The following MTHFD1L variants were observed in gnomAD, a reference collection of about 807,000 sequenced individuals.
MTHFD1L encodes the protein methylenetetrahydrofolate dehydrogenase (NADP+ dependent) 1 like.
A neutral mutation model predicts 119.5 loss-of-function variants in MTHFD1L; 81 were observed. The observed-to-expected ratio is 0.68, with a 90% CI of 0.57 to 0.82. MTHFD1L has a LOEUF of 0.82. Ranked by LOEUF, MTHFD1L falls within the 40% of genes least tolerant of loss-of-function variation. The pLI is 0.00. For missense variants in MTHFD1L, 1,125 were observed against 1,253.4 expected (o/e 0.90, Z 1.55); for synonymous variants, 430 against 475.2 (o/e 0.90, Z 1.24).
intron 26 of MTHFD1L, among the ~76,000 whole-genome samples, chr6:151,047,794 T>A (rs991683224): frequency 3.3e-5 from 5 of 152,166 alleles, no homozygotes; most frequent in Non-Finnish European, 7.4e-5. Context: ...TGGGATCCCA[T>A]GCTGTATTGG....
chr6:151,076,341 A>T (rs1329627349), intron 26 of MTHFD1L, among the ~76,000 whole-genome samples: 1 of 152,080 alleles, frequency 6.6e-6, no homozygotes, highest in African/African-American at 2.4e-5. Context: ...ACAGAGCAAG[A>T]CCCTGTCCCA....
At chr6:151,094,520 G>A (rs188898376) in intron 27 of MTHFD1L, among the ~76,000 whole-genome samples, 8 of 152,164 alleles carry the variant, frequency 5.3e-5, no homozygotes, top group Admixed American at 2.0e-4. Context: ...GTGCCACCAC[G>A]CCCCGCTGAT....
intron 26 of MTHFD1L, among the ~76,000 whole-genome samples, chr6:151,081,971 A>G (rs1793233054): frequency 6.6e-6 from 1 of 152,158 alleles, no homozygotes; most frequent in Non-Finnish European, 1.5e-5. Flanking sequence ...GGACTACCGA[A>G]TGATGATTTC....
chr6:150,902,231 T>G (rs1283765868), intron 7 of MTHFD1L, among the ~76,000 whole-genome samples: 1 of 152,208 alleles, frequency 6.6e-6, no homozygotes, highest in Non-Finnish European at 1.5e-5. Flanking sequence ...TCCCTCCAGC[T>G]TAAAAATTCA....
chr6:150,905,980 C>T (rs1785837331), intron 8 of MTHFD1L, among the ~76,000 whole-genome samples: 1 of 152,154 alleles, frequency 6.6e-6, no homozygotes, highest in Non-Finnish European at 1.5e-5. Flanking sequence ...CAGTGAAGTG[C>T]CCCCTACTGG....
intron 13 of MTHFD1L, among the ~76,000 whole-genome samples, chr6:150,941,129 A>T (rs1793029732): frequency 6.6e-6 from 1 of 152,238 alleles, no homozygotes; most frequent in African/African-American, 2.4e-5. Context: ...AAGTGAAAAC[A>T]CTATGACTGG....
intron 26 of MTHFD1L, among the ~76,000 whole-genome samples, chr6:151,072,216 T>TACTCGGGAGGCTGAGG (rs1792028101): frequency 6.6e-6 from 1 of 152,198 alleles, no homozygotes; most frequent in Admixed American, 6.5e-5. Context: ...ATTTTACACA[T>TACTCGGGAGGCTGAGG]TAGTAAATGA....
At chr6:150,923,131 C>G (rs1319100612) in intron 10 of MTHFD1L, among the ~76,000 whole-genome samples, 1 of 152,112 alleles carries the variant, frequency 6.6e-6, no homozygotes, top group Non-Finnish European at 1.5e-5. Context: ...AAACATTATT[C>G]CACGTGGGAA....
intron 20 of MTHFD1L, among the ~76,000 whole-genome samples, chr6:151,004,543 T>A (rs1221402895): frequency 6.6e-6 from 1 of 152,186 alleles, no homozygotes; most frequent in African/African-American, 2.4e-5. Flanking sequence ...ACAACACAAC[T>A]CTGGCCGCAC....
intron 20 of MTHFD1L, among the ~76,000 whole-genome samples, chr6:150,986,229 A>C (rs1778286016): frequency 1.3e-5 from 2 of 152,240 alleles, no homozygotes; most frequent in Admixed American, 1.3e-4. Flanking sequence ...TCAGTAATGC[A>C]GAACTTGGGC....
chr6:151,052,984 C>T (rs1789299353), intron 26 of MTHFD1L, among the ~76,000 whole-genome samples: 1 of 152,160 alleles, frequency 6.6e-6, no homozygotes, highest in Non-Finnish European at 1.5e-5. Flanking sequence ...TGGGTCTATA[C>T]CCATCTAGTC....
At chr6:151,021,607 C>T (rs1334345235) in intron 24 of MTHFD1L, among the ~76,000 whole-genome samples, 2 of 152,132 alleles carry the variant, frequency 1.3e-5, no homozygotes, top group Non-Finnish European at 1.5e-5. Flanking sequence ...CTGTCATGTT[C>T]ACTTGGAAAG....
intron 26 of MTHFD1L, among the ~76,000 whole-genome samples, chr6:151,060,493 G>A (rs4869976): frequency 0.032 from 4,904 of 152,296 alleles, 157 homozygotes; most frequent in Admixed American, 0.099. Flanking sequence ...AAGAGCTGAC[G>A]TCTGGGACAG....
chr6:150,949,293 C>T (rs912999052), intron 16 of MTHFD1L, among the ~76,000 whole-genome samples, 160 bp downstream of exon 16: 4 of 151,998 alleles, frequency 2.6e-5, no homozygotes, highest in Non-Finnish European at 5.9e-5. Flanking sequence ...ATTATCGTAC[C>T]ACCCTCCCTT....
chr6:150,939,505 G>A (rs530164673), intron 13 of MTHFD1L, among the ~76,000 whole-genome samples: 1 of 151,966 alleles, frequency 6.6e-6, no homozygotes, highest in South Asian at 2.1e-4. Flanking sequence ...ATCATTCAGG[G>A]CCTGGACAAT....
chr6:150,903,850 A>G (rs1402711954), intron 7 of MTHFD1L, among the ~76,000 whole-genome samples: 2 of 152,276 alleles, frequency 1.3e-5, no homozygotes, highest in African/African-American at 4.8e-5. Flanking sequence ...TGGATAATCA[A>G]TCAGTGTTAA....
intron 1 of MTHFD1L, among the ~76,000 whole-genome samples, chr6:150,873,099 G>A (rs1322912830): frequency 2.0e-5 from 3 of 152,044 alleles, no homozygotes; most frequent in Admixed American, 6.6e-5. Context: ...GGCGGATCAC[G>A]AGGTCAAGAG....
intron 26 of MTHFD1L, among the ~76,000 whole-genome samples, chr6:151,054,117 T>G (rs1789514021): frequency 6.6e-6 from 1 of 152,178 alleles, no homozygotes; most frequent in South Asian, 2.1e-4. Flanking sequence ...AACAGCCAGG[T>G]TCCAAGGGGA....
chr6:150,905,630 T>C lies in MTHFD1L; in HGVS notation c.781-20T>C. On this transcript the variant is annotated intron_variant, in intron 7 of 27. Transcript: ENST00000367321. ...ATGCCTCAGATCAAGATGTGCGTGT[T>C]TTTTTCTTTCTCCTTTTAGCTTCAC... is the stretch of plus-strand genomic sequence containing the variant. 6.3e-7 allele frequency: 1 copy of C among 1,598,290 alleles called. No individual in the cohort carries two copies. Among genetic ancestry groups the C allele is most frequent in the African/African-American group, 1.3e-5 (1 of 74,700 alleles).
Sources: gnomAD v4.1 joint callset for allele counts (sites outside exome capture counted in the v4.1 genomes callset) on GRCh38, gnomAD v4.1.1 for gene constraint, MANE v1.5 for transcripts, NCBI Gene and HGNC (gene_info 2026-07-23, HGNC 2026-07-21) for gene names.